The following SPATA13 variants were observed in gnomAD, a reference collection of about 807,000 sequenced individuals.
The protein encoded by SPATA13 is spermatogenesis-associated protein 13.
Under a neutral mutation model 104.0 loss-of-function variants are expected in SPATA13, and 50 were observed. The observed-to-expected ratio is 0.48, with a 90% CI of 0.38 to 0.61. SPATA13 has a LOEUF of 0.61. Among genes scored for constraint, SPATA13 ranks in the 20% least tolerant of loss-of-function variants. The pLI, the probability that SPATA13 is intolerant of heterozygous loss-of-function variation, is 0.00. For missense variants in SPATA13, 1,524 were observed against 1,690.6 expected (o/e 0.90, Z 1.73); for synonymous variants, 606 against 667.5 (o/e 0.91, Z 1.42).
chr13:23,982,549 A>C (rs952363539), intron 1 of SPATA13, among the ~76,000 whole-genome samples: 7 of 152,198 alleles, frequency 4.6e-5, no homozygotes, highest in Non-Finnish European at 1.0e-4. Flanking sequence ...GAGTCACAGA[A>C]GTTTTGCTTA....
chr13:24,101,310 T>C (rs938538776), intron 3 of SPATA13, among the ~76,000 whole-genome samples: 1 of 152,250 alleles, frequency 6.6e-6, no homozygotes, highest in African/African-American at 2.4e-5. Context: ...ATTCGCTATG[T>C]TGGATAAACA....
At chr13:24,236,528 G>T (rs995919609) in intron 2 of SPATA13, among the ~76,000 whole-genome samples, 1 of 151,596 alleles carries the variant, frequency 6.6e-6, no homozygotes, top group African/African-American at 2.4e-5. Context: ...CCCAGGCGGC[G>T]GAGGTTGCAG....
chr13:24,052,414 T>G (rs1878376839), intron 3 of SPATA13, among the ~76,000 whole-genome samples: 1 of 151,694 alleles, frequency 6.6e-6, no homozygotes, highest in African/African-American at 2.4e-5. Context: ...ATTTAAAAAA[T>G]AAAAATAAAT....
At chr13:24,179,029 A>G (rs924784009) in intron 1 of SPATA13, among the ~76,000 whole-genome samples, 4 of 152,148 alleles carry the variant, frequency 2.6e-5, no homozygotes, top group Admixed American at 6.5e-5. Context: ...GATTCATACA[A>G]CATGTGGCCT....
intron 9 of SPATA13, among the ~76,000 whole-genome samples, chr13:24,292,061 C>G (rs956962589): frequency 6.6e-6 from 1 of 152,206 alleles, no homozygotes; most frequent in African/African-American, 2.4e-5. Context: ...CGGCCTCTCT[C>G]TGTCTTTATT....
At chr13:24,238,353 TGC>T (rs1566167174) in intron 2 of SPATA13, among the ~76,000 whole-genome samples, 13 of 152,202 alleles carry the variant, frequency 8.5e-5, no homozygotes, top group Admixed American at 7.2e-4. Flanking sequence ...GACAGGGTTT[TGC>T]CATGTTGGCC....
intron 2 of SPATA13, among the ~76,000 whole-genome samples, chr13:23,992,499 A>G (rs1875461559): frequency 6.6e-6 from 1 of 152,164 alleles, no homozygotes; most frequent in South Asian, 2.1e-4. Context: ...TGCTCCACGA[A>G]GTCTTCAGGG....
intron 2 of SPATA13, among the ~76,000 whole-genome samples, chr13:24,002,171 G>A (rs996753718): frequency 6.6e-6 from 1 of 152,020 alleles, no homozygotes; most frequent in Admixed American, 6.5e-5. Flanking sequence ...GTCACATGAG[G>A]TCATTTACAA....
Position 24,136,890 on chromosome 13 carries a change from C to T in SPATA13, c.-111-85929C>T, listed in dbSNP as rs1468123577. On this transcript the variant is annotated intron_variant, in intron 3 of 14. Transcript: ENST00000424834. Reference sequence around the variant, plus strand: ...TGTCGCCCAGGCTGGAGTGCAGTGGCGGGATCTCGGCTCACTGCAAGCTCC... The same window carrying T: ...TGTCGCCCAGGCTGGAGTGCAGTGGTGGGATCTCGGCTCACTGCAAGCTCC... Among the ~76,000 whole-genome samples, 4 of 35,608 alleles carry T rather than the reference C, an allele frequency of 1.1e-4. 2 individuals are homozygous for T. Among genetic ancestry groups the T allele is most frequent in the African/African-American group, 3.4e-4 (4 of 11,658 alleles). The allele number at this position is 35,608 out of a possible 152,430, so 23.4% of individuals were successfully genotyped here.
At chr13:24,074,234 A>G (rs1455365984) in intron 3 of SPATA13, among the ~76,000 whole-genome samples, 1 of 151,974 alleles carries the variant, frequency 6.6e-6, no homozygotes, top group Non-Finnish European at 1.5e-5. Context: ...GAATTTGCCT[A>G]CTCTAGGTAC....
At chr13:24,022,944 T>TTTA (rs1555254888) in intron 3 of SPATA13, among the ~76,000 whole-genome samples, 3 of 152,038 alleles carry the variant, frequency 2.0e-5, no homozygotes, top group Admixed American at 2.0e-4. Flanking sequence ...CTTCTTTTTT[T>TTTA]TTATTATTAT....
At chr13:24,275,264 A>T (rs1280342120) in intron 4 of SPATA13, among the ~76,000 whole-genome samples, 9 of 152,182 alleles carry the variant, frequency 5.9e-5, no homozygotes, top group Admixed American at 5.9e-4. Flanking sequence ...TGTGTAAGGG[A>T]TGGACTGGGG....
chr13:24,062,111 G>A (rs1220991254), intron 3 of SPATA13, among the ~76,000 whole-genome samples: 3 of 152,212 alleles, frequency 2.0e-5, no homozygotes, highest in Non-Finnish European at 4.4e-5. Flanking sequence ...GGTATCTTGA[G>A]GAACACACTC....
intron 3 of SPATA13, among the ~76,000 whole-genome samples, chr13:24,089,901 T>G (rs1005784232): frequency 3.3e-5 from 5 of 152,240 alleles, no homozygotes; most frequent in Non-Finnish European, 1.5e-5. Flanking sequence ...CCTGCCGCTC[T>G]GTCCTCTGGA....
chr13:24,201,088 G>C (rs1870375625), intron 1 of SPATA13, among the ~76,000 whole-genome samples: 1 of 150,008 alleles, frequency 6.7e-6, no homozygotes, highest in Non-Finnish European at 1.5e-5. Flanking sequence ...TTTGATTGGA[G>C]GTATTTTTGA....
chr13:24,191,417 G>A (rs1233377814), intron 1 of SPATA13, among the ~76,000 whole-genome samples: 3 of 147,904 alleles, frequency 2.0e-5, no homozygotes, highest in Non-Finnish European at 4.5e-5. Flanking sequence ...TTCGATATTT[G>A]TTTTATTGCT....
upstream of SPATA13, among the ~76,000 whole-genome samples, chr13:24,157,519 C>T (rs567290790): frequency 1.8e-3 from 270 of 152,258 alleles, 1 homozygote; most frequent in African/African-American, 6.3e-3. Context: ...CCAGGATGGT[C>T]TCGATCTCCT....
intron 3 of SPATA13, among the ~76,000 whole-genome samples, chr13:24,116,780 C>CGG (rs1491337824): frequency 6.6e-6 from 1 of 150,700 alleles, no homozygotes. Context: ...CCCCCCCCCC[C>CGG]CAATGTGCTG....
intron 3 of SPATA13, among the ~76,000 whole-genome samples, chr13:24,154,561 C>T (rs567648657): frequency 1.2e-4 from 19 of 152,230 alleles, no homozygotes; most frequent in South Asian, 2.1e-4. Context: ...TCTTTTGAGG[C>T]GCTAGAAATT....
Sources: allele counts gnomAD v4.1 joint callset (sites outside exome capture counted in the v4.1 genomes callset), GRCh38; gene constraint gnomAD v4.1.1; transcripts MANE v1.5; gene names NCBI Gene and HGNC (gene_info 2026-07-23, HGNC 2026-07-21).